Variants in BCR observed in about 807,000 individuals in gnomAD.
BCR encodes the protein breakpoint cluster region protein.
A neutral mutation model predicts 138.6 loss-of-function variants in BCR; 58 were observed. The observed-to-expected ratio is 0.42, with a 90% CI of 0.34 to 0.52. BCR has a LOEUF of 0.52. Among genes scored for constraint, BCR ranks in the 20% least tolerant of loss-of-function variants. The pLI, the probability that BCR is intolerant of heterozygous loss-of-function variation, is 0.06. For synonymous variants in BCR, 786 were observed against 730.1 expected (o/e 1.08, Z -1.23); for missense variants, 1,599 against 1,727.2 (o/e 0.93, Z 1.32).
chr22:23,269,337 G>A (rs78589352), intron 5 of BCR, among the ~76,000 whole-genome samples: 2,085 of 152,330 alleles, frequency 0.014, 41 homozygotes, highest in African/African-American at 0.048. Flanking sequence ...TCTCGCTGTA[G>A]CTTTGCCTTC....
rs1331227079 is a variant in BCR, at chr22:23,316,558, T to C, written c.*1036T>C. On this transcript the variant is annotated 3_prime_UTR_variant, in exon 23 of 23. Coordinates refer to ENST00000305877, the MANE Select transcript of BCR (RefSeq NM_004327.4). ...AGTTTCTAATTTTTTTCCGAACAGA[T>C]CCAGATACCTAATAAGATGCTGGAA... 1.6e-5 allele frequency: 3 copies of C among 185,576 alleles called. No individual in the cohort carries two copies. The highest frequency in any genetic ancestry group is 8.4e-5 in the African/African-American group (3 of 35,682). The allele number at this position is 185,576 out of a possible 1,614,324, so 11.5% of individuals were successfully genotyped here.
At chr22:23,218,033 CG>C (rs1568938731) in intron 1 of BCR, among the ~76,000 whole-genome samples, 1 of 152,220 alleles carries the variant, frequency 6.6e-6, no homozygotes, top group African/African-American at 2.4e-5. Flanking sequence ...TGGGAAACTT[CG>C]GGCCTGCAGT....
At position 23,314,039 on chromosome 22, in the gene BCR, C is replaced by G. The variant is rs1225453429; in HGVS notation, c.3529C>G (p.Leu1177Val). ...LLLSLPEANL[L>V]TFLFLLDHLK... ...GCTGTCCCTGCCGGAGGCCAACCTG[C>G]TCACCTTCCTTTTCCTTCTGGACCA... Residue 1177 changes from leucine (L) to valine (V), a missense_variant, in exon 21 of 23, where the codon CTC becomes GTC. By Grantham distance (32) the Leu-to-Val change is conservative (BLOSUM62 1). Transcript: ENST00000305877. 1 of 1,613,904 alleles carries G rather than the reference C, an allele frequency of 6.2e-7. No homozygotes were observed. The highest frequency in any genetic ancestry group is 2.2e-5 in the East Asian group (1 of 44,878).
In BCR at chr22:23,208,043, C is replaced by A. The variant is rs567979452; in HGVS notation, c.1279+25804C>A. Reference sequence around the variant, plus strand: ...TTGCTTTGGCTCATTGGCTCCTGGTCTCCTGTTGCCGAGCACCTGTCTAGA... The same window carrying A: ...TTGCTTTGGCTCATTGGCTCCTGGTATCCTGTTGCCGAGCACCTGTCTAGA... On this transcript the variant is annotated intron_variant, in intron 1 of 22. Coordinates refer to ENST00000305877, the MANE Select transcript of BCR (RefSeq NM_004327.4). Among the ~76,000 whole-genome samples the A allele has an allele frequency of 4.6e-5, 7 of 152,320 alleles. No individual in the cohort carries two copies. In the South Asian group the frequency reaches 1.2e-3, roughly 27 times the overall value.
At chr22:23,305,577 A>T (rs186388913) in intron 16 of BCR, among the ~76,000 whole-genome samples, 1 of 152,196 alleles carries the variant, frequency 6.6e-6, no homozygotes, top group Admixed American at 6.5e-5. Context: ...CACCTGCCCC[A>T]GTTGGGCTTC....
At chr22:23,260,596 C>T (rs1257175666) in intron 2 of BCR, among the ~76,000 whole-genome samples, 1 of 152,094 alleles carries the variant, frequency 6.6e-6, no homozygotes, top group Non-Finnish European at 1.5e-5. Context: ...CAGGTCAGAG[C>T]CTCCTTCTCC....
chr22:23,219,989 A>G (rs1029194914), intron 1 of BCR, among the ~76,000 whole-genome samples: 4 of 151,928 alleles, frequency 2.6e-5, no homozygotes, highest in African/African-American at 9.7e-5. Context: ...TCCTGTTACC[A>G]TTGCTTCTGA....
At chr22:23,226,878 T>A (rs2072900202) in intron 1 of BCR, among the ~76,000 whole-genome samples, 1 of 152,166 alleles carries the variant, frequency 6.6e-6, no homozygotes, top group African/African-American at 2.4e-5. Flanking sequence ...TCCCCTCAGT[T>A]GCACCTGAAA....
chr22:23,306,938 C>T (rs2073958679), intron 16 of BCR: 1 of 152,552 alleles, frequency 6.6e-6, no homozygotes, highest in Non-Finnish European at 1.5e-5. Context: ...GATGTCTGGA[C>T]AGCTTCTCTT....
Position 23,260,987 on chromosome 22 carries a change from A to T in BCR, c.1499A>T (p.Lys500Ile), listed in dbSNP as rs2073350315. 2.5e-6 allele frequency: 4 copies of T among 1,613,906 alleles called. No homozygotes were observed. Among genetic ancestry groups the T allele is most frequent in the Non-Finnish European group, 3.4e-6 (4 of 1,179,970 alleles). The change falls in exon 3 of 23, where the codon AAA (lysine) becomes ATA (isoleucine). Residue 500 changes from lysine (K) to isoleucine (I), a missense_variant. Physicochemically the swap from Lys to Ile is moderately radical, Grantham distance 102. Coordinates refer to ENST00000305877, the MANE Select transcript of BCR (RefSeq NM_004327.4). Reference protein sequence around the residue: ...LDLEKGLEMRKWVLSGILASE... With the variant: ...LDLEKGLEMRIWVLSGILASE... ...TTGGAAAAGGGCTTGGAGATGAGAA[A>T]ATGGGTCCTGTCGGGAATCCTGGCT...
chr22:23,263,822 G>C (rs779341848), intron 4 of BCR: 7 of 1,194,352 alleles, frequency 5.9e-6, no homozygotes, highest in Non-Finnish European at 8.8e-6. Context: ...CAGGCCAGCT[G>C]GGGTAGTGTT....
intron 4 of BCR, among the ~76,000 whole-genome samples, chr22:23,265,712 C>T (rs1277367514): frequency 2.0e-5 from 3 of 152,224 alleles, no homozygotes. Flanking sequence ...TCCAGATACA[C>T]TGATGGGAAC....
chr22:23,309,936 T>G (rs1036216255), intron 17 of BCR: 5 of 323,004 alleles, frequency 1.5e-5, no homozygotes, highest in Non-Finnish European at 2.9e-5. Context: ...TTTTAATTGT[T>G]ACTAAGAAAG....
intron 1 of BCR, among the ~76,000 whole-genome samples, chr22:23,215,766 CT>C (rs1459545843): frequency 6.6e-6 from 1 of 152,160 alleles, no homozygotes; most frequent in Admixed American, 6.5e-5. Context: ...GTGGGGCCTT[CT>C]TCGTGGGTTG....
chr22:23,214,999 T>A (rs570530206), intron 1 of BCR, among the ~76,000 whole-genome samples: 81 of 152,246 alleles, frequency 5.3e-4, no homozygotes, highest in Middle Eastern at 3.4e-3. Flanking sequence ...TACTCCCTCC[T>A]CCCTCAGCCC....
At chr22:23,238,951 C>G (rs1286688387) in intron 1 of BCR, among the ~76,000 whole-genome samples, 1 of 152,122 alleles carries the variant, frequency 6.6e-6, no homozygotes, top group Non-Finnish European at 1.5e-5. Flanking sequence ...AAACTCTCCT[C>G]TGGGCCATTT....
intron 1 of BCR, among the ~76,000 whole-genome samples, chr22:23,183,778 T>C (rs1286078759): frequency 1.3e-5 from 2 of 152,234 alleles, no homozygotes; most frequent in Non-Finnish European, 2.9e-5. Context: ...ATTGATAGTC[T>C]TTGCTGGTGG....
chr22:23,186,680 A>G (rs944803458), intron 1 of BCR, among the ~76,000 whole-genome samples: 3 of 152,134 alleles, frequency 2.0e-5, no homozygotes, highest in African/African-American at 7.2e-5. Context: ...CACTGAGTGT[A>G]ATGTTACCAA....
chr22:23,303,417 G>A (rs954134137), intron 16 of BCR, among the ~76,000 whole-genome samples: 7 of 152,226 alleles, frequency 4.6e-5, no homozygotes, highest in African/African-American at 1.2e-4. Context: ...TGAGGGCCAC[G>A]TAGGTCTTGT....
Sources: gnomAD v4.1 joint callset for allele counts (sites outside exome capture counted in the v4.1 genomes callset) on GRCh38, gnomAD v4.1.1 for gene constraint, MANE v1.5 for transcripts, NCBI Gene and HGNC (gene_info 2026-07-23, HGNC 2026-07-21) for gene names.